Variants in KLRG1 observed in about 807,000 individuals in gnomAD.
The protein encoded by KLRG1 is killer cell lectin-like receptor subfamily G member 1.
In KLRG1, 16 loss-of-function variants were observed where a neutral mutation model predicts 21.8. That is an observed-to-expected ratio of 0.73 (90% confidence interval 0.50 to 1.11). The LOEUF (loss-of-function observed/expected upper bound fraction) is 1.11. Ranked by LOEUF, KLRG1 falls within the 50% of genes most tolerant of loss-of-function variation. KLRG1 has a pLI of 0.00. For missense variants in KLRG1, 173 were observed against 218.3 expected, an observed-to-expected ratio of 0.79 and a Z score of 1.31; for synonymous variants, 69 against 75.9, an observed-to-expected ratio of 0.91 and a Z score of 0.47.
At chr12:9,060,149 T>C in the KLRG1 span, among the ~76,000 whole-genome samples, 30 of 151,846 alleles carry the variant, frequency 2.0e-4, no homozygotes, top group African/African-American at 6.5e-4. Context: ...GGACTACAGG[T>C]GCCCGCCACC....
chr12:9,027,833 T>C, the KLRG1 span: 1 of 1,080,162 alleles, frequency 9.3e-7, no homozygotes, highest in Non-Finnish European at 1.4e-6. Context: ...TGAAGTTTTC[T>C]CCACTACCAA....
At chr12:9,124,608 C>A in the KLRG1 span, among the ~76,000 whole-genome samples, 11 of 152,218 alleles carry the variant, frequency 7.2e-5, no homozygotes, top group Admixed American at 2.6e-4. Context: ...GCAGCTGCGG[C>A]ACCCTCACAG....
the KLRG1 span, among the ~76,000 whole-genome samples, chr12:9,133,029 C>T: frequency 6.6e-6 from 1 of 151,994 alleles, no homozygotes. Flanking sequence ...ACTTAGTGAA[C>T]TCAAAACTTT....
At chr12:9,106,314 T>A in the KLRG1 span, 1 of 1,612,590 alleles carries the variant, frequency 6.2e-7, no homozygotes, top group African/African-American at 1.3e-5. Flanking sequence ...TTCTTGTGAT[T>A]TCACTGGACT....
At chr12:9,013,648 G>C (rs1947661456), downstream of KLRG1, among the ~76,000 whole-genome samples, 2 of 152,134 alleles carry the variant, frequency 1.3e-5, no homozygotes, top group Non-Finnish European at 2.9e-5. Flanking sequence ...AAGAGAACTT[G>C]TGCAGGGAAA....
At chr12:9,061,334 A>G in the KLRG1 span, among the ~76,000 whole-genome samples, 2,452 of 152,128 alleles carry the variant, frequency 0.016, 68 homozygotes, top group African/African-American at 0.056. Context: ...GATGTTTGCC[A>G]GGTTGGTCTT....
the KLRG1 span, chr12:9,076,839 A>C: frequency 6.2e-7 from 1 of 1,614,064 alleles, no homozygotes; most frequent in Non-Finnish European, 8.5e-7. Flanking sequence ...AGCATAGGCC[A>C]GCAGTGCTTT....
the KLRG1 span, chr12:9,160,963 A>T: frequency 1.6e-6 from 2 of 1,256,464 alleles, no homozygotes; most frequent in East Asian, 2.3e-5. Flanking sequence ...TAATTCAAAT[A>T]CAAATACGTA....
chr12:9,021,768 A>G, the KLRG1 span, among the ~76,000 whole-genome samples: 108 of 152,276 alleles, frequency 7.1e-4, no homozygotes, highest in African/African-American at 2.6e-3. Flanking sequence ...CAGGATCATC[A>G]GTATCACTGT....
chr12:9,149,542 A>T, the KLRG1 span: 1 of 1,608,564 alleles, frequency 6.2e-7, no homozygotes, highest in South Asian at 1.1e-5. Flanking sequence ...AGTACTGGTC[A>T]TAAGTGGTGA....
the KLRG1 span, among the ~76,000 whole-genome samples, chr12:9,020,691 C>T: frequency 6.6e-6 from 1 of 152,130 alleles, no homozygotes; most frequent in African/African-American, 2.4e-5. Context: ...TTGTTTCCAG[C>T]TTTTGGCTAT....
chr12:9,025,236 G>A, the KLRG1 span, among the ~76,000 whole-genome samples: 3 of 152,296 alleles, frequency 2.0e-5, no homozygotes, highest in South Asian at 4.1e-4. Context: ...TAATATCTAA[G>A]TAGAGTCATA....
the KLRG1 span, among the ~76,000 whole-genome samples, chr12:9,141,286 A>T: frequency 2.6e-5 from 4 of 152,232 alleles, no homozygotes; most frequent in African/African-American, 9.6e-5. Flanking sequence ...TTTATATTTG[A>T]CAATGCTTCC....
At chr12:9,111,812 A>G in the KLRG1 span, among the ~76,000 whole-genome samples, 9,351 of 152,206 alleles carry the variant, frequency 0.061, 958 homozygotes, top group African/African-American at 0.21. Flanking sequence ...GTAGATGTGT[A>G]TAGAAAAAAT....
chr12:9,100,214 A>G, the KLRG1 span, among the ~76,000 whole-genome samples: 9 of 152,202 alleles, frequency 5.9e-5, no homozygotes. Context: ...GAAAGGGAAA[A>G]AAGATATTTA....
the KLRG1 span, chr12:9,074,767 C>A: frequency 6.2e-7 from 1 of 1,612,692 alleles, no homozygotes. Context: ...GAGGGCGCTC[C>A]CAATGGACAG....
At chr12:8,993,180 A>T (rs1947028100) in intron 2 of KLRG1, among the ~76,000 whole-genome samples, 1 of 151,308 alleles carries the variant, frequency 6.6e-6, no homozygotes, top group Non-Finnish European at 1.5e-5. Flanking sequence ...GGTGATCTAG[A>T]GGACTCTCAG....
upstream of KLRG1, among the ~76,000 whole-genome samples, chr12:8,985,622 G>T (rs1318558769): frequency 6.6e-6 from 1 of 152,162 alleles, no homozygotes. Context: ...TGCTGGAGCA[G>T]CTCACAGAAC....
At chr12:8,962,858 A>T (rs1297974829) in intron 1 of KLRG1, among the ~76,000 whole-genome samples, 2 of 152,206 alleles carry the variant, frequency 1.3e-5, no homozygotes, top group Non-Finnish European at 2.9e-5. Flanking sequence ...TCAATCTAAC[A>T]TGTATAATTA....
Sources: gnomAD v4.1 joint callset for allele counts (sites outside exome capture counted in the v4.1 genomes callset) on GRCh38, gnomAD v4.1.1 for gene constraint, MANE v1.5 for transcripts, NCBI Gene and HGNC (gene_info 2026-07-23, HGNC 2026-07-21) for gene names.